Variants in TEK observed in about 807,000 individuals in gnomAD.
TEK encodes angiopoietin-1 receptor.
A neutral mutation model predicts 131.8 loss-of-function variants in TEK; 43 were observed. That is an observed-to-expected ratio of 0.33 (90% confidence interval 0.26 to 0.42). The LOEUF is 0.42. Among genes scored for constraint, TEK ranks in the 10% least tolerant of loss-of-function variants. TEK has a pLI of 1.00. For synonymous variants in TEK, 580 were observed against 491.6 expected, an observed-to-expected ratio of 1.18 and a Z score of -2.38; for missense variants, 1,162 against 1,384.4, an observed-to-expected ratio of 0.84 and a Z score of 2.55.
At chr9:27,149,016 TTTA>T (rs1278179403) in intron 1 of TEK, among the ~76,000 whole-genome samples, 1 of 152,216 alleles carries the variant, frequency 6.6e-6, no homozygotes, top group African/African-American at 2.4e-5. Flanking sequence ...TATTTTATTT[TTTA>T]TTATTTTCTT....
intron 13 of TEK, among the ~76,000 whole-genome samples, chr9:27,203,962 C>T (rs1001797351): frequency 6.6e-6 from 1 of 152,182 alleles, no homozygotes; most frequent in African/African-American, 2.4e-5. Context: ...TTCTTTGGAA[C>T]ATTTTTGAAA....
chr9:27,136,921 A>G (rs187773354), intron 1 of TEK, among the ~76,000 whole-genome samples: 3 of 152,046 alleles, frequency 2.0e-5, no homozygotes, highest in African/African-American at 4.8e-5. Context: ...ATCTTTGTTT[A>G]TTTATTTATT....
In TEK at chr9:27,227,938, C is replaced by T. The variant is rs542900946; in HGVS notation, c.3201-268C>T. 8.5e-4 allele frequency among the ~76,000 whole-genome samples: 129 copies of T among 152,246 alleles called. 2 individuals carry two copies. The South Asian group carries it at 0.026, about 31-fold the overall frequency. On this transcript the variant is annotated intron_variant, in intron 21 of 22. Coordinates refer to ENST00000380036, the MANE Select transcript of TEK (RefSeq NM_000459.5). Reference sequence around the variant, plus strand: ...ATTCCAAGGCAAATGCTGCTCTAGACACATACCCAGTTCTTTCTAGATGAT... The same window carrying T: ...ATTCCAAGGCAAATGCTGCTCTAGATACATACCCAGTTCTTTCTAGATGAT...
chr9:27,211,993 TAA>T (rs771506750), intron 16 of TEK, among the ~76,000 whole-genome samples: 3 of 144,050 alleles, frequency 2.1e-5, no homozygotes, highest in Non-Finnish European at 3.0e-5. Flanking sequence ...AACGTTTTAT[TAA>T]AAAAAAAAAG....
At position 27,190,663 on chromosome 9, in the gene TEK, C is replaced by T; in HGVS notation, c.1462C>T (p.His488Tyr). 6.2e-7 allele frequency: 1 copy of T among 1,613,956 alleles called. No homozygotes were observed. The highest frequency in any genetic ancestry group is 8.5e-7 in the Non-Finnish European group (1 of 1,179,880). ...SKKLLYKPVN[H>Y]YEAWQHIQVT... ...GAAGCTTCTATACAAACCCGTTAAT[C>T]ACTATGAGGCTTGGCAACATATTCA... Residue 488 changes from histidine (H) to tyrosine (Y), a missense_variant, in exon 10 of 23, where the codon CAC (histidine) becomes TAC (tyrosine). Physicochemically the swap from His to Tyr is moderately conservative, Grantham distance 83. Around this residue, in one of 6 missense-constraint regions of TEK, gnomAD observed 477 missense variants for 471.0 expected, o/e 1.01. Transcript: ENST00000380036.
At chr9:27,159,292 G>A (rs1823457748) in intron 2 of TEK, among the ~76,000 whole-genome samples, 1 of 152,264 alleles carries the variant, frequency 6.6e-6, no homozygotes, top group African/African-American at 2.4e-5. Context: ...TCATGTACAT[G>A]AGATGTAGAC....
chr9:27,189,334 A>G (rs963711615), intron 9 of TEK, among the ~76,000 whole-genome samples: 2 of 152,172 alleles, frequency 1.3e-5, no homozygotes, highest in East Asian at 3.9e-4. Flanking sequence ...TAGAAATTGT[A>G]TTCCAGAACT....
chr9:27,229,200 G>C lies in TEK; in HGVS notation c.3343G>C (p.Gly1115Arg). The stretch of plus-strand genomic sequence containing the variant: ...GCTTTATGAGAAGTTTACTTATGCA[G>C]GAATTGACTGTTCTGCTGAAGAAGC... ...TTLYEKFTYA[G>R]IDCSAEEAA The change falls in exon 23 of 23, where the codon GGA becomes CGA. Residue 1115 changes from glycine (G) to arginine (R), a missense_variant. Coordinates refer to ENST00000380036, the MANE Select transcript of TEK (RefSeq NM_000459.5). 1 of 1,613,858 alleles carries C rather than the reference G, an allele frequency of 6.2e-7. No individual in the cohort carries two copies. The highest frequency in any genetic ancestry group is 8.5e-7 in the Non-Finnish European group (1 of 1,179,776).
chr9:27,211,128 A>AAT (rs1554701037), intron 16 of TEK, among the ~76,000 whole-genome samples: 2 of 123,320 alleles, frequency 1.6e-5, no homozygotes, highest in East Asian at 2.9e-4. Flanking sequence ...TTTAAAAAAA[A>AAT]ATATATATAT....
intron 1 of TEK, among the ~76,000 whole-genome samples, chr9:27,118,000 G>T (rs893395594): frequency 6.6e-6 from 1 of 152,158 alleles, no homozygotes; most frequent in Admixed American, 6.5e-5. Context: ...CTCTGCGGCC[G>T]TCAGATGGTG....
chr9:27,133,495 C>T (rs1324130170), intron 1 of TEK, among the ~76,000 whole-genome samples: 2 of 152,198 alleles, frequency 1.3e-5, no homozygotes, highest in Non-Finnish European at 2.9e-5. Context: ...CCAACATAGC[C>T]TCCTTTGTTA....
intron 5 of TEK, 95 bp downstream of exon 5, chr9:27,172,842 C>A: frequency 6.6e-7 from 1 of 1,518,214 alleles, no homozygotes; most frequent in Non-Finnish European, 9.0e-7. Flanking sequence ...GGAATGGACG[C>A]TAAATGGCCT....
At chr9:27,137,122 T>C (rs1822486827) in intron 1 of TEK, among the ~76,000 whole-genome samples, 1 of 152,088 alleles carries the variant, frequency 6.6e-6, no homozygotes, top group Non-Finnish European at 1.5e-5. Flanking sequence ...TTCACCATGT[T>C]CCCCAAGATG....
At chr9:27,187,898 A>T (rs1283508247) in intron 9 of TEK, among the ~76,000 whole-genome samples, 1 of 152,158 alleles carries the variant, frequency 6.6e-6, no homozygotes, top group African/African-American at 2.4e-5. Context: ...TAATAAACTT[A>T]TTCTAAATTA....
At chr9:27,221,220 G>T (rs1343066862) in intron 21 of TEK, among the ~76,000 whole-genome samples, 1 of 152,218 alleles carries the variant, frequency 6.6e-6, no homozygotes, top group African/African-American at 2.4e-5. Flanking sequence ...TGCCTCTCTA[G>T]ATTCTTTCTA....
At chr9:27,137,164 C>T (rs1232092865) in intron 1 of TEK, among the ~76,000 whole-genome samples, 2 of 152,090 alleles carry the variant, frequency 1.3e-5, no homozygotes, top group South Asian at 2.1e-4. Context: ...TTGATCCACC[C>T]GCCTCGGCCT....
intron 8 of TEK, among the ~76,000 whole-genome samples, chr9:27,184,389 A>T (rs1180495770): frequency 3.3e-5 from 5 of 152,172 alleles, no homozygotes; most frequent in African/African-American, 1.2e-4. Context: ...TTTTTAATCT[A>T]AAAATTTAGA....
chr9:27,229,845 CA>C lies in TEK; in HGVS notation c.*614del. 6.5e-6 allele frequency: 1 copy of C among 154,588 alleles called. No homozygotes were observed. Among genetic ancestry groups the C allele is most frequent in the Admixed American group, 6.3e-5 (1 of 15,840 alleles). The allele number at this position is 154,588 out of a possible 1,614,324, so 9.6% of individuals were successfully genotyped here. A position where few individuals can be genotyped will look rare whatever the true frequency, so the allele number is the denominator to read the frequency against. On this transcript the variant is annotated 3_prime_UTR_variant, in exon 23 of 23. Coordinates refer to ENST00000380036, the MANE Select transcript of TEK (RefSeq NM_000459.5). ...TGTTTCCACAGCCTGCAAGTCAGTC[CA>C]GGATGCTAACATCTAAAAATAGACT...
intron 13 of TEK, among the ~76,000 whole-genome samples, chr9:27,204,671 A>C (rs1825337972): frequency 6.6e-6 from 1 of 151,372 alleles, no homozygotes; most frequent in Non-Finnish European, 1.5e-5. Flanking sequence ...GCATATTGCT[A>C]ATTGTAACAG....
Sources: allele counts gnomAD v4.1 joint callset (sites outside exome capture counted in the v4.1 genomes callset), GRCh38; gene constraint gnomAD v4.1.1; regional missense constraint gnomAD v4.1.1; transcripts MANE v1.5; gene names NCBI Gene and HGNC (gene_info 2026-07-23, HGNC 2026-07-21).